Variants in SGCD observed in about 807,000 individuals in gnomAD.
The protein encoded by SGCD is delta-sarcoglycan.
A neutral mutation model predicts 36.6 loss-of-function variants in SGCD; 18 were observed. The observed-to-expected ratio is 0.49, with a 90% CI of 0.34 to 0.73. SGCD has a LOEUF of 0.73. SGCD is among the 30% of genes least tolerant of loss of function. SGCD has a pLI of 0.01. For synonymous variants in SGCD, 133 were observed against 130.6 expected, an observed-to-expected ratio of 1.02 and a Z score of -0.12; for missense variants, 387 against 346.7, an observed-to-expected ratio of 1.12 and a Z score of -0.92.
At chr5:155,991,646 G>A (rs1758433877) in intron 1 of SGCD, among the ~76,000 whole-genome samples, 1 of 152,168 alleles carries the variant, frequency 6.6e-6, no homozygotes, top group Admixed American at 6.5e-5. Context: ...TGCAGGTGAT[G>A]CTCGATGTGT....
intron 1 of SGCD, among the ~76,000 whole-genome samples, chr5:155,937,745 A>T (rs2113403515): frequency 6.6e-6 from 1 of 152,296 alleles, no homozygotes; most frequent in East Asian, 1.9e-4. Context: ...GAAGCAACAA[A>T]CCTATGTCTG....
the SGCD span, among the ~76,000 whole-genome samples, chr5:155,761,489 TTCTCCATCATCCTCTCCATCACCC>T: frequency 1.4e-5 from 1 of 70,670 alleles, no homozygotes; most frequent in African/African-American, 5.6e-5. Context: ...CTCCATCACC[TTCTCCATCATCCTCTCCATCACCC>T]TCTCCATCAT....
chr5:155,811,615 A>G, the SGCD span, among the ~76,000 whole-genome samples: 3 of 152,182 alleles, frequency 2.0e-5, no homozygotes, highest in African/African-American at 7.2e-5. Flanking sequence ...GTTCTTAGTT[A>G]TTGCGGGATC....
chr5:155,976,572 C>G (rs1403384577), intron 1 of SGCD, among the ~76,000 whole-genome samples: 1 of 152,194 alleles, frequency 6.6e-6, no homozygotes, highest in Non-Finnish European at 1.5e-5. Flanking sequence ...AATAATCTCA[C>G]TAAGTAAGTA....
chr5:156,236,790 C>G (rs898833444), intron 3 of SGCD, among the ~76,000 whole-genome samples: 2 of 151,058 alleles, frequency 1.3e-5, no homozygotes, highest in African/African-American at 4.9e-5. Flanking sequence ...CTCCCAACAC[C>G]AAAGGAACAA....
At chr5:156,263,503 C>T (rs879862629) in intron 3 of SGCD, among the ~76,000 whole-genome samples, 3 of 151,864 alleles carry the variant, frequency 2.0e-5, no homozygotes, top group Admixed American at 6.6e-5. Flanking sequence ...TGTCTGTTGT[C>T]GAATGCATAG....
intron 7 of SGCD, among the ~76,000 whole-genome samples, chr5:156,708,937 A>T (rs1309590474): frequency 1.3e-5 from 2 of 152,154 alleles, no homozygotes; most frequent in African/African-American, 4.8e-5. Flanking sequence ...GGGGAACCTA[A>T]TGGAAGGCAG....
chr5:155,996,322 C>T (rs966544244), intron 1 of SGCD, among the ~76,000 whole-genome samples: 1 of 152,088 alleles, frequency 6.6e-6, no homozygotes, highest in Non-Finnish European at 1.5e-5. Flanking sequence ...CTGTTCCCCT[C>T]TTCATTTGCA....
chr5:156,599,916 G>A (rs540690308), intron 6 of SGCD, among the ~76,000 whole-genome samples: 1 of 152,312 alleles, frequency 6.6e-6, no homozygotes, highest in African/African-American at 2.4e-5. Flanking sequence ...GGGTAATAAT[G>A]TTGGGTGCTC....
intron 1 of SGCD, among the ~76,000 whole-genome samples, chr5:155,920,800 C>A (rs1426177261): frequency 1.3e-5 from 2 of 152,082 alleles, no homozygotes; most frequent in African/African-American, 4.8e-5. Flanking sequence ...TGTCAGCAGT[C>A]AGCATCTTAT....
intron 3 of SGCD, among the ~76,000 whole-genome samples, chr5:156,445,796 TCA>T (rs143094759): frequency 3.3e-5 from 5 of 151,220 alleles, no homozygotes; most frequent in Admixed American, 6.6e-5. Context: ...CCCCAAAATA[TCA>T]CACACACACA....
intron 1 of SGCD, among the ~76,000 whole-genome samples, chr5:155,939,062 G>C (rs1203261467): frequency 1.3e-5 from 2 of 152,206 alleles, no homozygotes; most frequent in African/African-American, 4.8e-5. Context: ...AGGGACTGGA[G>C]GGTTTGGTGA....
intron 7 of SGCD, among the ~76,000 whole-genome samples, chr5:156,751,226 T>G (rs1229592348): frequency 1.3e-5 from 2 of 152,232 alleles, no homozygotes; most frequent in African/African-American, 4.8e-5. Flanking sequence ...GGAATATTAT[T>G]TATGATGGAC....
intron 7 of SGCD, among the ~76,000 whole-genome samples, chr5:156,674,238 C>A (rs1256408981): frequency 6.6e-6 from 1 of 152,124 alleles, no homozygotes; most frequent in East Asian, 1.9e-4. Flanking sequence ...ACTTTCATGG[C>A]TAATTGTAAA....
At chr5:155,795,445 G>C in the SGCD span, among the ~76,000 whole-genome samples, 1 of 151,984 alleles carries the variant, frequency 6.6e-6, no homozygotes, top group African/African-American at 2.4e-5. Context: ...ACAGAAAGTA[G>C]AAAAAGTAAT....
At chr5:156,006,880 G>T (rs1046643963) in intron 1 of SGCD, among the ~76,000 whole-genome samples, 2 of 151,862 alleles carry the variant, frequency 1.3e-5, no homozygotes, top group African/African-American at 4.8e-5. Context: ...CCCCTTTTTT[G>T]GATTCTTGGC....
chr5:156,500,949 G>C (rs1020344501), intron 3 of SGCD, among the ~76,000 whole-genome samples: 3 of 152,114 alleles, frequency 2.0e-5, no homozygotes, highest in Non-Finnish European at 4.4e-5. Flanking sequence ...TGCACCAGTG[G>C]GAAGGCCTCT....
intron 1 of SGCD, among the ~76,000 whole-genome samples, chr5:155,994,605 G>T (rs1235464393): frequency 6.6e-6 from 1 of 152,138 alleles, no homozygotes; most frequent in Non-Finnish European, 1.5e-5. Context: ...ACCAGCTTTG[G>T]TATCTCTGGA....
intron 1 of SGCD, among the ~76,000 whole-genome samples, chr5:155,920,917 G>A (rs1756863106): frequency 6.6e-6 from 1 of 152,144 alleles, no homozygotes; most frequent in Non-Finnish European, 1.5e-5. Context: ...CTATCTAGGA[G>A]GCATTTTACA....
Sources: gnomAD v4.1 joint callset for allele counts (sites outside exome capture counted in the v4.1 genomes callset) on GRCh38, gnomAD v4.1.1 for gene constraint, MANE v1.5 for transcripts, NCBI Gene and HGNC (gene_info 2026-07-23, HGNC 2026-07-21) for gene names.